The following FN1 variants were observed in gnomAD, a reference collection of about 807,000 sequenced individuals.
FN1 encodes the protein fibronectin.
Under a neutral mutation model 297.3 loss-of-function variants are expected in FN1, and 106 were observed. The ratio of observed to expected loss-of-function variants is 0.36; its 90% CI spans 0.30 to 0.42. The LOEUF is 0.42. FN1 is among the 10% of genes least tolerant of loss of function. FN1 has a pLI of 1.00. For synonymous variants in FN1, 1,149 were observed against 1,152.6 expected, an observed-to-expected ratio of 1.00 and a Z score of 0.06; for missense variants, 2,690 against 3,124.9, an observed-to-expected ratio of 0.86 and a Z score of 3.32.
chr2:215,425,043 A>G, intron 7 of FN1, 51 bp downstream of exon 7: 1 of 1,531,028 alleles, frequency 6.5e-7, no homozygotes, highest in Non-Finnish European at 9.1e-7. Context: ...TGTCCTTCAA[A>G]AACTAAATAA....
intron 41 of FN1, among the ~76,000 whole-genome samples, chr2:215,369,647 C>T (rs527407915): frequency 6.9e-4 from 105 of 151,940 alleles, no homozygotes; most frequent in East Asian, 3.9e-4. Context: ...CCAGGTGGCA[C>T]GCTATTGATT....
At chr2:215,371,274 A>C (rs1428442789) in intron 40 of FN1, among the ~76,000 whole-genome samples, 1 of 151,916 alleles carries the variant, frequency 6.6e-6, no homozygotes, top group Non-Finnish European at 1.5e-5. Flanking sequence ...TCTCGGGGAA[A>C]AAAAAAAATG....
intron 45 of FN1, 141 bp from the exon 46 acceptor site, chr2:215,361,767 C>T: frequency 1.0e-6 from 1 of 981,352 alleles, no homozygotes; most frequent in Middle Eastern, 2.8e-4. Flanking sequence ...AACCTAGCAG[C>T]ATACTGGGCA....
intron 30 of FN1, 33 bp downstream of exon 30, chr2:215,383,987 A>C: frequency 6.7e-7 from 1 of 1,494,476 alleles, no homozygotes; most frequent in East Asian, 2.6e-5. Context: ...GAATAAGTAA[A>C]AGCTGGTGTC....
Position 215,425,174 on chromosome 2 carries a change from C to T in FN1, c.956G>A (p.Gly319Glu). ...VTDSGVVYSV[G>E]MQWLKTQGNK... is the part of the protein sequence containing the mutation. Reference sequence around the variant, plus strand: ...TCCTTGTGTCTTCAGCCACTGCATCCCCACAGAGTAGACCACACCACTGTC... The same window carrying T: ...TCCTTGTGTCTTCAGCCACTGCATCTCCACAGAGTAGACCACACCACTGTC... The change falls in exon 7 of 46, where the codon GGG (glycine) becomes GAG (glutamate). Residue 319 changes from glycine to glutamate, a missense_variant. By Grantham distance (98) the Gly-to-Glu change is moderately conservative (BLOSUM62 -2). Transcript: ENST00000354785. 6.2e-7 allele frequency: 1 copy of T among 1,614,164 alleles called. No individual in the cohort carries two copies. The highest frequency in any genetic ancestry group is 8.5e-7 in the Non-Finnish European group (1 of 1,180,018).
intron 5 of FN1, among the ~76,000 whole-genome samples, 176 bp downstream of exon 5, chr2:215,430,539 T>C (rs2066326084): frequency 6.6e-6 from 1 of 152,222 alleles, no homozygotes; most frequent in South Asian, 2.1e-4. Context: ...TCTATTTATG[T>C]AGTCTTCTCT....
intron 28 of FN1, 96 bp downstream of exon 28, chr2:215,386,593 T>TG: frequency 2.4e-6 from 1 of 420,806 alleles, no homozygotes; most frequent in Non-Finnish European, 3.9e-6. Context: ...TTTTTTTTTT[T>TG]TGAGAGCTGA....
rs976002154 is a variant in FN1 at position 215,433,451 on chromosome 2, A to C, written c.288T>G (p.Thr96=). ...TGTTCCCAGTGTACTTGTCAAAGCA[A>C]GTCTCTTCAGCTGAGGGGAAAAGGA... ...NCESKPEAEE[T]CFDKYTGNTY... is the part of the protein sequence containing the mutation. The change falls in exon 3 of 46, where the codon ACT becomes ACG. Residue 96 remains threonine (T), a synonymous_variant. Transcript: ENST00000354785. 1.2e-6 allele frequency: 2 copies of C among 1,613,996 alleles called. No individual in the cohort carries two copies. Among genetic ancestry groups the C allele is most frequent in the Non-Finnish European group, 1.7e-6 (2 of 1,179,998 alleles).
At chr2:215,378,448 A>G (rs1333571205) in intron 34 of FN1, among the ~76,000 whole-genome samples, 186 bp from the exon 35 acceptor site, 1 of 152,232 alleles carries the variant, frequency 6.6e-6, no homozygotes, top group Non-Finnish European at 1.5e-5. Flanking sequence ...GTATTTATCA[A>G]TTTTAAAATG....
chr2:215,408,465 C>T (rs183244188), intron 15 of FN1, 39 bp from the exon 16 acceptor site: 2 of 1,608,178 alleles, frequency 1.2e-6, no homozygotes, highest in Admixed American at 1.7e-5. Flanking sequence ...TCAGAGCAAA[C>T]TAGTCCCTCA....
In FN1 at chr2:215,380,803, C is replaced by T; in HGVS notation, c.5434+8G>A. 1 of 1,612,630 alleles carries T rather than the reference C, an allele frequency of 6.2e-7. No individual in the cohort carries two copies. Among genetic ancestry groups the T allele is most frequent in the Non-Finnish European group, 8.5e-7 (1 of 1,179,898 alleles). ...CATGGGCACCTGGTGGTGCAATTAACCATATACCTGTGGACTGGGTTCCAA... is the reference window on the plus strand; with the variant it reads ...CATGGGCACCTGGTGGTGCAATTAATCATATACCTGTGGACTGGGTTCCAA... On this transcript the variant is annotated splice_region_variant and intron_variant, in intron 33 of 45. Transcript: ENST00000354785.
At position 215,361,916 on chromosome 2, in the gene FN1, A is replaced by G. The variant is rs137921535; in HGVS notation, c.7362+53T>C. 4.7e-4 allele frequency: 756 copies of G among 1,603,712 alleles called. 3 individuals are homozygous for G. The African/African-American group carries it at 9.4e-3, about 20-fold the overall frequency. Reference sequence around the variant, plus strand: ...GTTCATTCTGAAGAAAGATACCTGTAGAAAGAGACTGTCTAGTATGAGGGA... The same window carrying G: ...GTTCATTCTGAAGAAAGATACCTGTGGAAAGAGACTGTCTAGTATGAGGGA... On this transcript the variant is annotated intron_variant, in intron 45 of 45. Transcript: ENST00000354785.
chr2:215,413,182 T>C lies in FN1; in HGVS notation c.1941+1655A>G, dbSNP rs539265787. Among the ~76,000 whole-genome samples, 20 of 152,324 alleles carry C rather than the reference T, an allele frequency of 1.3e-4. No homozygotes were observed. The South Asian group carries it at 3.9e-3, about 30-fold the overall frequency. On this transcript the variant is annotated intron_variant, in intron 13 of 45. Transcript: ENST00000354785. Reference sequence around the variant, plus strand: ...CAGGCTAGGGTGCAATGGCGCGATCTTGGCTCAACTCCCTGCAACCTTTGC... The same window carrying C: ...CAGGCTAGGGTGCAATGGCGCGATCCTGGCTCAACTCCCTGCAACCTTTGC...
At chr2:215,375,870 C>T (rs1369207544) in intron 36 of FN1, 152 bp from the exon 37 acceptor site, 8 of 682,954 alleles carry the variant, frequency 1.2e-5, no homozygotes, top group Non-Finnish European at 2.2e-5. Flanking sequence ...GTAGAGCATG[C>T]TATGGATGTT....
At chr2:215,416,752 C>T (rs1472453925) in intron 12 of FN1, among the ~76,000 whole-genome samples, 1 of 152,058 alleles carries the variant, frequency 6.6e-6, no homozygotes, top group East Asian at 1.9e-4. Context: ...ACCTCTAAGC[C>T]TAATCATATT....
chr2:215,408,246 G>A, intron 16 of FN1, 49 bp from the exon 17 acceptor site: 1 of 1,613,394 alleles, frequency 6.2e-7, no homozygotes. Context: ...GCTACTACAG[G>A]CCTGTGTTTT....
intron 10 of FN1, among the ~76,000 whole-genome samples, chr2:215,421,666 A>T (rs1352565066): frequency 6.6e-6 from 1 of 152,244 alleles, no homozygotes; most frequent in Admixed American, 6.5e-5. Flanking sequence ...CTGAACAAGG[A>T]AAGTTAGTCC....
At chr2:215,408,033 A>G in intron 17 of FN1, 75 bp downstream of exon 17, 1 of 1,095,208 alleles carries the variant, frequency 9.1e-7, no homozygotes, top group Non-Finnish European at 1.4e-6. Context: ...GCAGGTCCGC[A>G]GTCAGAATCT....
chr2:215,369,215 T>TAAA (rs58108373), intron 41 of FN1, among the ~76,000 whole-genome samples: 4 of 138,016 alleles, frequency 2.9e-5, no homozygotes, highest in Non-Finnish European at 4.7e-5. Flanking sequence ...ATGGAATCTT[T>TAAA]AAAAAAAAAA....
Sources: gnomAD v4.1 joint callset for allele counts (sites outside exome capture counted in the v4.1 genomes callset) on GRCh38, gnomAD v4.1.1 for gene constraint, MANE v1.5 for transcripts, NCBI Gene and HGNC (gene_info 2026-07-23, HGNC 2026-07-21) for gene names.